The following CWC27 variants were observed in gnomAD, a reference collection of about 807,000 sequenced individuals.
The protein encoded by CWC27 is CWC27 spliceosome associated cyclophilin, also known as spliceosome-associated protein CWC27 homolog.
In CWC27, 47 loss-of-function variants were observed where a neutral mutation model predicts 63.6. The ratio of observed to expected loss-of-function variants is 0.74; its 90% CI spans 0.58 to 0.94. CWC27 has a LOEUF of 0.94. Among genes scored for constraint, CWC27 ranks in the 40% least tolerant of loss-of-function variants. The pLI, the probability that CWC27 is intolerant of heterozygous loss-of-function variation, is 0.00. For synonymous variants in CWC27, 175 were observed against 179.8 expected, an observed-to-expected ratio of 0.97 and a Z score of 0.22; for missense variants, 495 against 554.3, an observed-to-expected ratio of 0.89 and a Z score of 1.07.
rs959725958 is a variant in CWC27 at position 64,769,072 on chromosome 5, G to A, written c.-75G>A. The A allele has an allele frequency of 4.0e-6, 5 of 1,236,884 alleles. No homozygotes were observed. Among genetic ancestry groups the A allele is most frequent in the African/African-American group, 1.5e-5 (1 of 65,612 alleles). The allele number at this position is 1,236,884 out of a possible 1,614,324, so 76.6% of individuals were successfully genotyped here. A position where few individuals can be genotyped will look rare whatever the true frequency, so the allele number is the denominator to read the frequency against. On this transcript the variant is annotated 5_prime_UTR_variant, in exon 1 of 14. Coordinates refer to ENST00000381070, the MANE Select transcript of CWC27 (RefSeq NM_005869.4). ...ACTGGACTTAAGGAAGAGTGTACTC[G>A]TAGGCGGACAGCTTTAGTGGCCGGC...
rs191691359 is a variant in CWC27 at position 64,951,498 on chromosome 5, G to T, written c.1043-20205G>T. On this transcript the variant is annotated intron_variant, in intron 11 of 13. Coordinates refer to ENST00000381070, the MANE Select transcript of CWC27 (RefSeq NM_005869.4). ...AAATGTTTTGAAAACAGTTTTCAAA[G>T]TTCATGTGCCATTCATGTGCCTATT... is the stretch of plus-strand genomic sequence containing the variant. Among the ~76,000 whole-genome samples the T allele has an allele frequency of 2.7e-3, 403 of 151,950 alleles. 1 individual carries two copies. The highest frequency in any genetic ancestry group is 3.5e-3 in the Non-Finnish European group (239 of 67,806).
chr5:64,915,094 A>T (rs1185682459), intron 11 of CWC27, among the ~76,000 whole-genome samples: 1 of 152,178 alleles, frequency 6.6e-6, no homozygotes, highest in Non-Finnish European at 1.5e-5. Context: ...GTGTTTGTTT[A>T]TTTAGTATTA....
At chr5:64,935,007 AT>A (rs1561162194) in intron 11 of CWC27, among the ~76,000 whole-genome samples, 2 of 152,094 alleles carry the variant, frequency 1.3e-5, no homozygotes, top group African/African-American at 4.8e-5. Context: ...ATATTAGCCC[AT>A]TGTCAAATGG....
chr5:64,910,788 A>G (rs1309276682), intron 11 of CWC27, among the ~76,000 whole-genome samples: 2 of 152,178 alleles, frequency 1.3e-5, no homozygotes, highest in Non-Finnish European at 2.9e-5. Context: ...CTGGTGTGCC[A>G]TTTGCTAAGA....
At chr5:64,970,399 A>G (rs907073048) in intron 11 of CWC27, among the ~76,000 whole-genome samples, 1 of 151,390 alleles carries the variant, frequency 6.6e-6, no homozygotes, top group Non-Finnish European at 1.5e-5. Flanking sequence ...TTTTTAGTAG[A>G]GATGGGGTTT....
At chr5:64,937,828 A>G (rs1748387446) in intron 11 of CWC27, among the ~76,000 whole-genome samples, 1 of 150,496 alleles carries the variant, frequency 6.6e-6, no homozygotes, top group Non-Finnish European at 1.5e-5. Flanking sequence ...TATTGCATTG[A>G]TCCCTTTACC....
chr5:64,867,940 G>T (rs963143780), intron 10 of CWC27, among the ~76,000 whole-genome samples: 19 of 55,390 alleles, frequency 3.4e-4, no homozygotes, highest in African/African-American at 1.0e-3. Context: ...GTTGTGTTTG[G>T]GGGGGGGGCT....
chr5:64,809,515 G>A (rs531711233), intron 10 of CWC27, among the ~76,000 whole-genome samples: 5 of 152,142 alleles, frequency 3.3e-5, no homozygotes, highest in South Asian at 2.1e-4. Context: ...CTACAGGAGC[G>A]TGCCACCACG....
At chr5:64,815,921 A>G (rs1745012609) in intron 10 of CWC27, among the ~76,000 whole-genome samples, 1 of 152,160 alleles carries the variant, frequency 6.6e-6, no homozygotes, top group African/African-American at 2.4e-5. Context: ...ACCCACTCAA[A>G]TTAGCTCAAG....
chr5:64,935,377 T>C (rs1242515980), intron 11 of CWC27, among the ~76,000 whole-genome samples: 1 of 152,184 alleles, frequency 6.6e-6, no homozygotes, highest in African/African-American at 2.4e-5. Flanking sequence ...CCCCATTGCT[T>C]GTTTTCATCA....
intron 10 of CWC27, among the ~76,000 whole-genome samples, chr5:64,855,186 T>A (rs1746221654): frequency 6.6e-6 from 1 of 152,088 alleles, no homozygotes; most frequent in South Asian, 2.1e-4. Context: ...AAAGAGATGT[T>A]GTTGTCATAT....
intron 7 of CWC27, among the ~76,000 whole-genome samples, chr5:64,791,775 T>C (rs1744087924): frequency 6.6e-6 from 1 of 152,172 alleles, no homozygotes; most frequent in African/African-American, 2.4e-5. Flanking sequence ...TATCTTTTTC[T>C]TCTCAAACTT....
chr5:64,970,211 A>AT (rs11369937), intron 11 of CWC27, among the ~76,000 whole-genome samples: 2,549 of 135,334 alleles, frequency 0.019, 65 homozygotes, highest in African/African-American at 0.055. Context: ...TATGAAAGTA[A>AT]TTTTTTTTTT....
intron 10 of CWC27, among the ~76,000 whole-genome samples, chr5:64,838,710 A>G (rs1004485797): frequency 3.3e-5 from 5 of 152,202 alleles, no homozygotes; most frequent in African/African-American, 1.2e-4. Flanking sequence ...CCATTTCCCC[A>G]TAGGTATTAA....
chr5:64,832,602 C>T (rs538693624), intron 10 of CWC27, among the ~76,000 whole-genome samples: 1 of 151,862 alleles, frequency 6.6e-6, no homozygotes, highest in East Asian at 1.9e-4. Context: ...TTTGTGCATA[C>T]TTCTGTTCCA....
intron 11 of CWC27, among the ~76,000 whole-genome samples, chr5:64,939,177 G>T (rs962613199): frequency 6.6e-6 from 1 of 152,268 alleles, no homozygotes; most frequent in Middle Eastern, 3.4e-3. Flanking sequence ...TCCTTTGGAG[G>T]AGAAGAGGTG....
At chr5:64,819,766 A>C (rs1324728959) in intron 10 of CWC27, among the ~76,000 whole-genome samples, 5 of 152,162 alleles carry the variant, frequency 3.3e-5, no homozygotes, top group Non-Finnish European at 5.9e-5. Flanking sequence ...CAAAACACCT[A>C]TTATAGTACT....
intron 11 of CWC27, among the ~76,000 whole-genome samples, chr5:64,914,485 G>A (rs1000077612): frequency 1.3e-5 from 2 of 152,040 alleles, no homozygotes; most frequent in Non-Finnish European, 2.9e-5. Flanking sequence ...TTCACGAGGC[G>A]CTTCACAAAG....
Position 64,951,679 on chromosome 5 carries a change from C to G in CWC27, c.1043-20024C>G, listed in dbSNP as rs187362335. 4.4e-3 allele frequency among the ~76,000 whole-genome samples: 665 copies of G among 152,044 alleles called. 2 individuals are homozygous for G. The highest frequency in any genetic ancestry group is 5.6e-3 in the Non-Finnish European group (379 of 67,874). ...CCACTTCCCCTGTGCAACCACTAAT[C>G]TACTTTCTTCATATATAGATTTCTC... is the stretch of plus-strand genomic sequence containing the variant. On this transcript the variant is annotated intron_variant, in intron 11 of 13. Coordinates refer to ENST00000381070, the MANE Select transcript of CWC27 (RefSeq NM_005869.4).
Sources: gnomAD v4.1 joint callset for allele counts (sites outside exome capture counted in the v4.1 genomes callset) on GRCh38, gnomAD v4.1.1 for gene constraint, MANE v1.5 for transcripts, NCBI Gene and HGNC (gene_info 2026-07-23, HGNC 2026-07-21) for gene names.